The following RORA variants were observed in gnomAD, a reference collection of about 807,000 sequenced individuals.
RORA encodes the protein nuclear receptor ROR-alpha.
Under a neutral mutation model 69.5 loss-of-function variants are expected in RORA, and 7 were observed. That is an observed-to-expected ratio of 0.10 (90% CI 0.06 to 0.19). The LOEUF (loss-of-function observed/expected upper bound fraction) is 0.19. Among genes scored for constraint, RORA ranks in the 10% least tolerant of loss-of-function variants. The pLI is 1.00. For synonymous variants in RORA, 261 were observed against 240.8 expected (o/e 1.08, Z -0.78); for missense variants, 457 against 663.0 (o/e 0.69, Z 3.41).
chr15:60,803,303 G>A (rs1168557479), intron 1 of RORA, among the ~76,000 whole-genome samples: 1 of 152,170 alleles, frequency 6.6e-6, no homozygotes, highest in East Asian at 1.9e-4. Flanking sequence ...AATGGTCCAG[G>A]CAAGGAAGAA....
chr15:60,764,090 A>C (rs1030704659), intron 1 of RORA: 1 of 152,200 alleles, frequency 6.6e-6, no homozygotes, highest in African/African-American at 2.4e-5. Context: ...AGGTGAGAGA[A>C]TAGAGAATTT....
intron 1 of RORA, among the ~76,000 whole-genome samples, chr15:60,996,388 T>C (rs947225394): frequency 7.2e-5 from 11 of 152,182 alleles, no homozygotes; most frequent in African/African-American, 2.7e-4. Context: ...CTTGTTTTAA[T>C]TGGTGGTTAC....
At chr15:60,883,168 G>GAC (rs1372346182) in intron 1 of RORA, among the ~76,000 whole-genome samples, 2 of 135,140 alleles carry the variant, frequency 1.5e-5, no homozygotes, top group Non-Finnish European at 3.2e-5. Flanking sequence ...GAGAGAGAGA[G>GAC]AGAGAGAGAG....
chr15:60,606,491 T>C (rs2068949180), intron 2 of RORA, among the ~76,000 whole-genome samples: 1 of 152,248 alleles, frequency 6.6e-6, no homozygotes, highest in Admixed American at 6.5e-5. Flanking sequence ...CACAGAAGCA[T>C]TTTCTAGAAC....
At chr15:61,005,525 T>C (rs913583021) in intron 1 of RORA, among the ~76,000 whole-genome samples, 4 of 152,138 alleles carry the variant, frequency 2.6e-5, no homozygotes, top group African/African-American at 7.2e-5. Flanking sequence ...ACATAACTAA[T>C]GAAATGCTGA....
intron 1 of RORA, among the ~76,000 whole-genome samples, chr15:61,013,303 C>CAGTCA (rs1895150541): frequency 6.6e-6 from 1 of 152,218 alleles, no homozygotes. Context: ...TGTTTATGAA[C>CAGTCA]TGCCTCTGGC....
chr15:60,808,177 C>T (rs2072685097), intron 1 of RORA, among the ~76,000 whole-genome samples: 1 of 152,092 alleles, frequency 6.6e-6, no homozygotes, highest in South Asian at 2.1e-4. Context: ...GTGTATACTT[C>T]TGACAAAGGA....
chr15:60,733,951 A>AGAGAGAGC (rs2071465291), intron 1 of RORA, among the ~76,000 whole-genome samples: 1 of 150,812 alleles, frequency 6.6e-6, no homozygotes, highest in Admixed American at 6.6e-5. Flanking sequence ...AGAGAGAGAG[A>AGAGAGAGC]GAGAAAGAGA....
In RORA at chr15:60,537,310, G is replaced by T. The variant is rs1199586973; in HGVS notation, c.197-5459C>A. Among the ~76,000 whole-genome samples the T allele has an allele frequency of 1.3e-5, 2 of 152,326 alleles. No individual in the cohort carries two copies. ...GTGCGGCCTAGCTGAGGGGTCAAAA[G>T]TAGAGGTTGAAATGCACCTGGCTGT... On this transcript the variant is annotated intron_variant, in intron 2 of 10. Transcript: ENST00000335670. The surrounding 1 kb of genome is among the most constrained non-coding windows in gnomAD (Gnocchi z 4.9).
At chr15:60,807,663 T>C (rs555588230) in intron 1 of RORA, among the ~76,000 whole-genome samples, 1 of 152,274 alleles carries the variant, frequency 6.6e-6, no homozygotes, top group East Asian at 1.9e-4. Flanking sequence ...TCACATTATC[T>C]GACTTCAAAC....
intron 1 of RORA, among the ~76,000 whole-genome samples, chr15:60,847,208 C>T (rs955767360): frequency 2.6e-5 from 4 of 151,874 alleles, no homozygotes; most frequent in African/African-American, 7.3e-5. Context: ...GGAAAAAAAT[C>T]GGGCTTTGGC....
At chr15:60,603,893 G>A (rs1031988436) in intron 2 of RORA, among the ~76,000 whole-genome samples, 6 of 152,168 alleles carry the variant, frequency 3.9e-5, no homozygotes, top group Non-Finnish European at 7.3e-5. Context: ...CCAGCACTTT[G>A]GGAGGCTGAG....
At chr15:61,157,353 G>A (rs1453356583) in intron 1 of RORA, among the ~76,000 whole-genome samples, 1 of 152,158 alleles carries the variant, frequency 6.6e-6, no homozygotes, top group African/African-American at 2.4e-5. Flanking sequence ...TGGTAGGGAG[G>A]TAGGTTAACT....
intron 1 of RORA, among the ~76,000 whole-genome samples, chr15:60,946,827 G>A (rs151111885): frequency 0.22 from 32,924 of 150,918 alleles, 4,269 homozygotes; most frequent in East Asian, 0.52. Context: ...AGTGAGGAGC[G>A]TCTCTGCCTG....
chr15:60,567,594 G>A (rs1345388527), intron 2 of RORA, among the ~76,000 whole-genome samples: 1 of 151,720 alleles, frequency 6.6e-6, no homozygotes, highest in Non-Finnish European at 1.5e-5. Flanking sequence ...TATTTTTAGT[G>A]GAGACAGGGT....
chr15:60,814,236 C>T (rs990661629), intron 1 of RORA, among the ~76,000 whole-genome samples: 1 of 152,162 alleles, frequency 6.6e-6, no homozygotes, highest in Admixed American at 6.5e-5. Context: ...TGGCTCCTCC[C>T]CAAAACTTTC....
chr15:60,775,805 C>G (rs567149854), intron 1 of RORA, among the ~76,000 whole-genome samples: 5 of 152,280 alleles, frequency 3.3e-5, no homozygotes, highest in African/African-American at 1.2e-4. Flanking sequence ...GACATCAAAC[C>G]TCTTTAGGTT....
intron 3 of RORA, among the ~76,000 whole-genome samples, chr15:60,526,380 C>G (rs2066356582): frequency 6.6e-6 from 1 of 152,242 alleles, no homozygotes; most frequent in South Asian, 2.1e-4. Flanking sequence ...TGCCCCAAGC[C>G]AGGTGCTGTG....
chr15:61,171,537 C>T (rs1031064844), intron 1 of RORA, among the ~76,000 whole-genome samples: 2 of 152,196 alleles, frequency 1.3e-5, no homozygotes, highest in Admixed American at 1.3e-4. Context: ...AAGGAGAATA[C>T]ACTGCTCAGA....
Sources: gnomAD v4.1 joint callset for allele counts (sites outside exome capture counted in the v4.1 genomes callset) on GRCh38, gnomAD v4.1.1 for gene constraint, Gnocchi (gnomAD v3.1) non-coding constraint, MANE v1.5 for transcripts, NCBI Gene and HGNC (gene_info 2026-07-23, HGNC 2026-07-21) for gene names.